Variants in FAM107B observed in about 807,000 individuals in gnomAD.
The protein encoded by FAM107B is family with sequence similarity 107 member B, also known as protein FAM107B.
In FAM107B, 21 loss-of-function variants were observed where a neutral mutation model predicts 31.5. That is an observed-to-expected ratio of 0.67 (90% CI 0.47 to 0.96). The LOEUF (loss-of-function observed/expected upper bound fraction) is 0.96, where lower values mean the gene tolerates loss of function less well. Among genes scored for constraint, FAM107B ranks in the 40% least tolerant of loss-of-function variants. The probability of loss-of-function intolerance (pLI) is 0.00; values close to 1 mark genes in which losing one functional copy is unlikely to be tolerated. For synonymous variants in FAM107B, 157 were observed against 141.5 expected, an observed-to-expected ratio of 1.11 and a Z score of -0.78; for missense variants, 452 against 377.1, an observed-to-expected ratio of 1.20 and a Z score of -1.64.
chr10:14,572,315 G>A, intron 2 of FAM107B: 3 of 985,434 alleles, frequency 3.0e-6, no homozygotes, highest in South Asian at 4.7e-5. Context: ...AAGCAAATAT[G>A]CACGCAGACT....
chr10:14,730,073 C>A (rs1290109319), intron 1 of FAM107B, among the ~76,000 whole-genome samples: 1 of 152,038 alleles, frequency 6.6e-6, no homozygotes, highest in Non-Finnish European at 1.5e-5. Context: ...AGCATTAGGA[C>A]AAATACCTAA....
intron 2 of FAM107B, among the ~76,000 whole-genome samples, chr10:14,596,649 G>A (rs887483217): frequency 1.3e-5 from 2 of 152,152 alleles, no homozygotes; most frequent in African/African-American, 4.8e-5. Context: ...CTCTACGTCT[G>A]ATGTCTATGA....
Position 14,774,616 on chromosome 10 carries a change from A to G in FAM107B, c.48T>C (p.Ser16=), listed in dbSNP as rs762522141. Residue 16 remains serine, a synonymous_variant, in exon 1 of 5, where the codon TCT becomes TCC. Transcript: ENST00000181796. The part of the protein sequence containing the change: ...ARLTKRLKSP[S]RSMHPFPCSA... ...AGCACGGAAATGGATGCATGCTTCTAGAGGGAGACTTCAGTCTTTTGGTGA... is the reference window on the plus strand; with the variant it reads ...AGCACGGAAATGGATGCATGCTTCTGGAGGGAGACTTCAGTCTTTTGGTGA... 9.3e-6 allele frequency: 15 copies of G among 1,614,164 alleles called. No homozygotes were observed. The South Asian group carries it at 1.6e-4, about 18-fold the overall frequency.
intron 2 of FAM107B, among the ~76,000 whole-genome samples, chr10:14,601,601 T>C (rs1209201218): frequency 6.6e-6 from 1 of 151,994 alleles, no homozygotes; most frequent in Non-Finnish European, 1.5e-5. Context: ...CACAGCACAC[T>C]AGCACCCATA....
intron 1 of FAM107B, among the ~76,000 whole-genome samples, chr10:14,705,572 G>C (rs904721145): frequency 6.6e-6 from 1 of 152,016 alleles, no homozygotes; most frequent in Non-Finnish European, 1.5e-5. Context: ...AACATAACTG[G>C]ATCTTGAAGA....
At chr10:14,579,387 C>T (rs980406551) in intron 2 of FAM107B, among the ~76,000 whole-genome samples, 4 of 152,182 alleles carry the variant, frequency 2.6e-5, no homozygotes, top group African/African-American at 4.8e-5. Flanking sequence ...GCCAGTTACC[C>T]GGTTGCTGTA....
At chr10:14,563,581 A>G (rs1850420123) in intron 2 of FAM107B, among the ~76,000 whole-genome samples, 1 of 152,238 alleles carries the variant, frequency 6.6e-6, no homozygotes, top group South Asian at 2.1e-4. Context: ...TTTTAATGTA[A>G]CAGAGTAGGA....
intron 1 of FAM107B, among the ~76,000 whole-genome samples, chr10:14,684,306 G>C (rs2131499100): frequency 6.6e-6 from 1 of 152,092 alleles, no homozygotes; most frequent in Non-Finnish European, 1.5e-5. Context: ...TAAAAAATTA[G>C]CCAGGTGTGG....
At chr10:14,673,370 G>A (rs1854605884) in intron 1 of FAM107B, among the ~76,000 whole-genome samples, 1 of 152,070 alleles carries the variant, frequency 6.6e-6, no homozygotes, top group Non-Finnish European at 1.5e-5. Context: ...TCTCACATAT[G>A]AGTCAGAACA....
rs145969524 is a variant in FAM107B at position 14,587,405 on chromosome 10, G to A, written c.470-56890C>T. The stretch of plus-strand genomic sequence containing the variant: ...CATATTTATCCAATCGCGGGAAGTT[G>A]CTTAGCCCTAGAAGTCAAAATGTGG... On this transcript the variant is annotated intron_variant, in intron 2 of 4. Coordinates refer to ENST00000181796, the MANE Select transcript of FAM107B (RefSeq NM_031453.4). 1.3e-3 allele frequency among the ~76,000 whole-genome samples: 194 copies of A among 152,276 alleles called. 1 individual carries two copies. The highest frequency in any genetic ancestry group is 4.0e-3 in the African/African-American group (167 of 41,560).
intron 1 of FAM107B, among the ~76,000 whole-genome samples, chr10:14,728,774 G>C (rs1487087385): frequency 1.3e-5 from 2 of 152,122 alleles, no homozygotes; most frequent in African/African-American, 2.4e-5. Flanking sequence ...ATCTTATTCA[G>C]CCTCCTTGGC....
At chr10:14,629,430 ATATATT>A (rs1191003364) in intron 2 of FAM107B, among the ~76,000 whole-genome samples, 103 of 9,718 alleles carry the variant, frequency 0.011, 8 homozygotes, top group African/African-American at 0.064. Flanking sequence ...TATATATAAT[ATATATT>A]ATATATATAT....
chr10:14,557,750 T>C (rs1039009460), intron 2 of FAM107B, among the ~76,000 whole-genome samples: 95 of 152,216 alleles, frequency 6.2e-4, no homozygotes, highest in African/African-American at 2.2e-3. Flanking sequence ...ATTATCCTTA[T>C]TGACGGAGGA....
chr10:14,522,772 G>A (rs1434991695), intron 3 of FAM107B, among the ~76,000 whole-genome samples: 1 of 152,056 alleles, frequency 6.6e-6, no homozygotes, highest in Admixed American at 6.5e-5. Flanking sequence ...ACAGTAAAAT[G>A]GCCCTGGAAA....
chr10:14,708,479 G>A (rs1855569310), intron 1 of FAM107B, among the ~76,000 whole-genome samples: 3 of 152,078 alleles, frequency 2.0e-5, no homozygotes, highest in Admixed American at 6.6e-5. Context: ...ACATGACAGG[G>A]TATTTCCTAC....
At chr10:14,544,043 A>T (rs1207387343) in intron 2 of FAM107B, among the ~76,000 whole-genome samples, 2 of 152,122 alleles carry the variant, frequency 1.3e-5, no homozygotes, top group Non-Finnish European at 2.9e-5. Context: ...TGAATTACCC[A>T]AGCTGTATCC....
At chr10:14,549,380 T>C (rs946688251) in intron 2 of FAM107B, among the ~76,000 whole-genome samples, 3 of 152,218 alleles carry the variant, frequency 2.0e-5, no homozygotes, top group Non-Finnish European at 4.4e-5. Flanking sequence ...ACTCGCAGCA[T>C]CTATAATAAA....
intron 1 of FAM107B, among the ~76,000 whole-genome samples, chr10:14,742,507 G>C (rs1005558053): frequency 6.6e-6 from 1 of 152,156 alleles, no homozygotes; most frequent in Non-Finnish European, 1.5e-5. Context: ...ATCACTGTCT[G>C]TTTGTTCACT....
At chr10:14,591,801 T>C (rs1208266966) in intron 2 of FAM107B, among the ~76,000 whole-genome samples, 1 of 152,146 alleles carries the variant, frequency 6.6e-6, no homozygotes, top group Non-Finnish European at 1.5e-5. Context: ...ATGAATCTGA[T>C]CAAGCTTTCA....
Sources: allele counts gnomAD v4.1 joint callset (sites outside exome capture counted in the v4.1 genomes callset), GRCh38; gene constraint gnomAD v4.1.1; transcripts MANE v1.5; gene names NCBI Gene and HGNC (gene_info 2026-07-23, HGNC 2026-07-21).